AUTS2: variants seen among roughly 807,000 people sequenced by gnomAD.
AUTS2 encodes autism susceptibility gene 2 protein.
A neutral mutation model predicts 112.4 loss-of-function variants in AUTS2; 17 were observed. The observed-to-expected ratio is 0.15, with a 90% CI of 0.10 to 0.23. The LOEUF is 0.23. AUTS2 is among the 10% of genes least tolerant of loss of function. The pLI is 1.00. For missense variants in AUTS2, 1,510 were observed against 1,701.6 expected, an observed-to-expected ratio of 0.89 and a Z score of 1.98; for synonymous variants, 751 against 702.7, an observed-to-expected ratio of 1.07 and a Z score of -1.09.
intron 2 of AUTS2, among the ~76,000 whole-genome samples, chr7:70,033,215 A>G (rs1800858907): frequency 6.6e-6 from 1 of 152,184 alleles, no homozygotes; most frequent in Non-Finnish European, 1.5e-5. Context: ...TAAAGCTATT[A>G]TTTTTTTAAA....
intron 5 of AUTS2, among the ~76,000 whole-genome samples, chr7:70,646,187 C>T (rs1371321359): frequency 6.6e-6 from 1 of 152,178 alleles, no homozygotes; most frequent in Non-Finnish European, 1.5e-5. Context: ...CAATTCAGAG[C>T]TCAGTGCGAC....
At chr7:70,045,050 G>A (rs1232014555) in intron 2 of AUTS2, among the ~76,000 whole-genome samples, 1 of 151,696 alleles carries the variant, frequency 6.6e-6, no homozygotes, top group East Asian at 1.9e-4. Flanking sequence ...GCTTGGACAC[G>A]CTAGACTTGT....
intron 3 of AUTS2, chr7:70,119,214 T>G (rs1805553222): frequency 6.6e-6 from 1 of 152,030 alleles, no homozygotes; most frequent in African/African-American, 2.4e-5. Flanking sequence ...TGTCTTGATC[T>G]CTTTACCTCG....
intron 6 of AUTS2, among the ~76,000 whole-genome samples, chr7:70,751,985 A>G (rs1393386529): frequency 6.6e-6 from 1 of 151,858 alleles, no homozygotes; most frequent in Non-Finnish European, 1.5e-5. Context: ...TTGGCCTCCC[A>G]AAGTTCTGGG....
chr7:69,656,906 G>A (rs1021530416), intron 1 of AUTS2, among the ~76,000 whole-genome samples: 9 of 152,240 alleles, frequency 5.9e-5, no homozygotes, highest in Admixed American at 2.6e-4. Flanking sequence ...GAAGTCAAAG[G>A]CTCACACTGG....
intron 1 of AUTS2, among the ~76,000 whole-genome samples, chr7:69,854,102 A>T (rs1321723160): frequency 6.6e-6 from 1 of 152,092 alleles, no homozygotes; most frequent in East Asian, 1.9e-4. Flanking sequence ...TTTTACTCAA[A>T]CTTATGCTTT....
chr7:69,902,122 G>A lies in AUTS2; in HGVS notation c.522+2624G>A, dbSNP rs114286430. ...TTCATGTAATATGAAGACATTTAAA[G>A]GAGAAGGGTAAGATGCATTTATAGT... On this transcript the variant is annotated intron_variant, in intron 2 of 18. Coordinates refer to ENST00000342771, the MANE Select transcript of AUTS2 (RefSeq NM_015570.4). Among the ~76,000 whole-genome samples, 1,105 of 152,072 alleles carry A rather than the reference G, an allele frequency of 7.3e-3. 12 individuals carry two copies. The highest frequency in any genetic ancestry group is 0.025 in the African/African-American group (1,052 of 41,472).
intron 5 of AUTS2, among the ~76,000 whole-genome samples, chr7:70,538,142 C>T (rs1327706687): frequency 6.6e-6 from 1 of 152,142 alleles, no homozygotes; most frequent in African/African-American, 2.4e-5. Flanking sequence ...GAGGCTGAGG[C>T]TGGAGGATCA....
intron 11 of AUTS2, among the ~76,000 whole-genome samples, chr7:70,773,816 T>C (rs899559956): frequency 6.6e-6 from 1 of 152,246 alleles, no homozygotes; most frequent in African/African-American, 2.4e-5. Flanking sequence ...GACCTCTCTC[T>C]GCTTTTACAT....
At chr7:70,573,825 G>GA (rs1477349335) in intron 5 of AUTS2, among the ~76,000 whole-genome samples, 2 of 151,178 alleles carry the variant, frequency 1.3e-5, no homozygotes, top group Admixed American at 6.6e-5. Flanking sequence ...GAACTTAGTT[G>GA]AAAAATGCTT....
chr7:70,136,003 A>C (rs2129574986), intron 4 of AUTS2, among the ~76,000 whole-genome samples: 1 of 152,248 alleles, frequency 6.6e-6, no homozygotes, highest in Admixed American at 6.5e-5. Flanking sequence ...TCTGTACTGA[A>C]CATTCTAGTA....
intron 1 of AUTS2, among the ~76,000 whole-genome samples, chr7:69,670,917 C>T (rs1318810571): frequency 6.6e-6 from 1 of 152,080 alleles, no homozygotes; most frequent in Non-Finnish European, 1.5e-5. Context: ...ATTTCTGTGG[C>T]TTGAGTTTCG....
At chr7:69,951,791 T>C (rs113771175) in intron 2 of AUTS2, among the ~76,000 whole-genome samples, 2 of 152,276 alleles carry the variant, frequency 1.3e-5, no homozygotes, top group African/African-American at 4.8e-5. Flanking sequence ...ATCCATTAGC[T>C]AATGAACTAT....
At chr7:69,963,382 A>G (rs931283118) in intron 2 of AUTS2, among the ~76,000 whole-genome samples, 3 of 152,114 alleles carry the variant, frequency 2.0e-5, no homozygotes, top group Admixed American at 2.0e-4. Flanking sequence ...ACCACTTAAC[A>G]CCTTCCAAGG....
chr7:70,147,758 T>G lies in AUTS2; in HGVS notation c.660+13187T>G, dbSNP rs547928065. ...ATCTCCTATTGCACTTTTAAAAGTA[T>G]TATTTGCTGTCCTAAGGGTGGAAAG... On this transcript the variant is annotated intron_variant, in intron 4 of 18. Coordinates refer to ENST00000342771, the MANE Select transcript of AUTS2 (RefSeq NM_015570.4). Among the ~76,000 whole-genome samples the G allele has an allele frequency of 1.3e-5, 2 of 152,136 alleles. 1 individual carries two copies. Among genetic ancestry groups the G allele is most frequent in the African/African-American group, 4.8e-5 (2 of 41,450 alleles).
At chr7:70,391,225 A>G (rs1222878057) in intron 4 of AUTS2, among the ~76,000 whole-genome samples, 1 of 152,144 alleles carries the variant, frequency 6.6e-6, no homozygotes, top group East Asian at 1.9e-4. Flanking sequence ...GTCCCCTGTC[A>G]CTGTCCTCAG....
chr7:70,590,643 T>C (rs1802899058), intron 5 of AUTS2, among the ~76,000 whole-genome samples: 1 of 152,142 alleles, frequency 6.6e-6, no homozygotes, highest in African/African-American at 2.4e-5. Flanking sequence ...TGTTAAATCG[T>C]AAATACACTA....
At chr7:70,550,076 G>A (rs1403613003) in intron 5 of AUTS2, among the ~76,000 whole-genome samples, 4 of 152,142 alleles carry the variant, frequency 2.6e-5, no homozygotes, top group Non-Finnish European at 5.9e-5. Flanking sequence ...ATAGTGAGGG[G>A]GCATATTGGA....
At chr7:70,070,345 G>T (rs1457590436) in intron 2 of AUTS2, among the ~76,000 whole-genome samples, 1 of 151,826 alleles carries the variant, frequency 6.6e-6, no homozygotes, top group East Asian at 1.9e-4. Flanking sequence ...GGCTGAGTTG[G>T]GTAGATGACC....
Sources: allele counts gnomAD v4.1 joint callset (sites outside exome capture counted in the v4.1 genomes callset), GRCh38; gene constraint gnomAD v4.1.1; transcripts MANE v1.5; gene names NCBI Gene and HGNC (gene_info 2026-07-23, HGNC 2026-07-21).